ARPP21: variants seen among roughly 807,000 people sequenced by gnomAD.
The protein encoded by ARPP21 is cAMP regulated phosphoprotein 21.
In ARPP21, 69 loss-of-function variants were observed where a neutral mutation model predicts 113.2. The ratio of observed to expected loss-of-function variants is 0.61; its 90% CI spans 0.50 to 0.74. The LOEUF is 0.74. Ranked by LOEUF, ARPP21 falls within the 30% of genes least tolerant of loss-of-function variation. ARPP21 has a pLI of 0.00. For missense variants in ARPP21, 1,070 were observed against 1,037.4 expected, an observed-to-expected ratio of 1.03 and a Z score of -0.43; for synonymous variants, 368 against 375.5, an observed-to-expected ratio of 0.98 and a Z score of 0.23.
chr3:35,655,131 C>G (rs574104724), intron 1 of ARPP21, among the ~76,000 whole-genome samples: 1 of 151,814 alleles, frequency 6.6e-6, no homozygotes, highest in Non-Finnish European at 1.5e-5. Context: ...AGGTTTACTC[C>G]GGTAAGTTTT....
intron 1 of ARPP21, among the ~76,000 whole-genome samples, chr3:35,667,839 TC>T (rs2074801676): frequency 2.1e-5 from 1 of 48,374 alleles, no homozygotes; most frequent in Non-Finnish European, 4.6e-5. Context: ...ACTTTTATTC[TC>T]AAAGAAGAAG....
At chr3:35,791,594 T>A (rs965591621) in intron 19 of ARPP21, among the ~76,000 whole-genome samples, 1 of 152,016 alleles carries the variant, frequency 6.6e-6, no homozygotes, top group Non-Finnish European at 1.5e-5. Flanking sequence ...CTAGAATAAA[T>A]CAATTCTGGC....
chr3:35,658,039 T>C (rs1319340815), intron 1 of ARPP21, among the ~76,000 whole-genome samples: 1 of 152,144 alleles, frequency 6.6e-6, no homozygotes, highest in Non-Finnish European at 1.5e-5. Context: ...CATTTCTGGA[T>C]AGTGATAACT....
At chr3:35,665,301 A>G (rs998194606) in intron 1 of ARPP21, among the ~76,000 whole-genome samples, 3 of 152,066 alleles carry the variant, frequency 2.0e-5, no homozygotes, top group Non-Finnish European at 4.4e-5. Context: ...TTTTTTTAAT[A>G]TGATAACAAG....
intron 9 of ARPP21, among the ~76,000 whole-genome samples, chr3:35,694,617 A>C (rs546081677): frequency 9.2e-5 from 14 of 151,494 alleles, no homozygotes; most frequent in Non-Finnish European, 1.3e-4. Flanking sequence ...CTAATATCAA[A>C]AAGATTTTTT....
chr3:35,646,136 G>T (rs1303117755), intron 1 of ARPP21, among the ~76,000 whole-genome samples: 3 of 151,976 alleles, frequency 2.0e-5, no homozygotes, highest in African/African-American at 7.2e-5. Flanking sequence ...GGTCAATAGA[G>T]GGTGAAGGAA....
chr3:35,692,790 A>C (rs1235486262), intron 9 of ARPP21, among the ~76,000 whole-genome samples: 1 of 151,576 alleles, frequency 6.6e-6, no homozygotes, highest in Non-Finnish European at 1.5e-5. Flanking sequence ...ACATTTATTA[A>C]ATTTATATAA....
At position 35,789,714 on chromosome 3, in the gene ARPP21, G is replaced by A. The variant is rs182762490; in HGVS notation, c.2138-2668G>A. On this transcript the variant is annotated intron_variant, in intron 19 of 20. Transcript: ENST00000684406. ...CTGCATCTGGGCTGGCAGCAAAGAC[G>A]AATTCTGCTCTCACAGGCTCTGCAC... is the stretch of plus-strand genomic sequence containing the variant. Among the ~76,000 whole-genome samples the A allele has an allele frequency of 2.5e-3, 376 of 152,290 alleles. 3 individuals carry two copies. Among genetic ancestry groups the A allele is most frequent in the Middle Eastern group, 6.8e-3 (2 of 294 alleles).
intron 15 of ARPP21, among the ~76,000 whole-genome samples, chr3:35,733,149 C>A (rs887317228): frequency 6.6e-6 from 1 of 151,466 alleles, no homozygotes; most frequent in African/African-American, 2.4e-5. Context: ...TGTGAATTGC[C>A]CTTTGGTTCA....
intron 1 of ARPP21, among the ~76,000 whole-genome samples, chr3:35,645,233 C>T (rs549982072): frequency 5.9e-5 from 9 of 151,908 alleles, no homozygotes; most frequent in Admixed American, 3.9e-4. Context: ...TTTCACACTA[C>T]TTCAAGATGA....
chr3:35,730,447 A>C (rs1032237747), intron 15 of ARPP21, among the ~76,000 whole-genome samples: 1 of 152,324 alleles, frequency 6.6e-6, no homozygotes, highest in Non-Finnish European at 1.5e-5. Flanking sequence ...ATGCTGCTAA[A>C]CATCCCCCAA....
chr3:35,683,070 G>T (rs58305869), intron 4 of ARPP21, among the ~76,000 whole-genome samples, 181 bp downstream of exon 4: 8 of 151,530 alleles, frequency 5.3e-5, no homozygotes, highest in African/African-American at 1.9e-4. Flanking sequence ...TTACTTTATG[G>T]CACTGCATAT....
chr3:35,648,892 A>G (rs1023758660), intron 1 of ARPP21, among the ~76,000 whole-genome samples: 1 of 152,214 alleles, frequency 6.6e-6, no homozygotes, highest in East Asian at 1.9e-4. Flanking sequence ...ATAAATTTAT[A>G]TTTCTTTGCT....
In ARPP21 at chr3:35,697,865, T is replaced by A. The variant is rs115133198; in HGVS notation, c.686+6860T>A. Among the ~76,000 whole-genome samples, 260 of 151,798 alleles carry A rather than the reference T, an allele frequency of 1.7e-3. 2 individuals carry two copies. The highest frequency in any genetic ancestry group is 5.9e-3 in the African/African-American group (245 of 41,502). ...ATATTTATCTTCCTTTGGCTAGGAATGTGCGTGGCTCTGTGAATAAACTGA... is the reference window on the plus strand; with the variant it reads ...ATATTTATCTTCCTTTGGCTAGGAAAGTGCGTGGCTCTGTGAATAAACTGA... On this transcript the variant is annotated intron_variant, in intron 9 of 20. Coordinates refer to ENST00000684406, the MANE Select transcript of ARPP21 (RefSeq NM_001385562.1).
chr3:35,790,455 G>A (rs1380667755), intron 19 of ARPP21, among the ~76,000 whole-genome samples: 2 of 152,176 alleles, frequency 1.3e-5, no homozygotes, highest in East Asian at 1.9e-4. Flanking sequence ...GCAATTGGAT[G>A]TATGAATCAC....
intron 19 of ARPP21, among the ~76,000 whole-genome samples, chr3:35,759,609 G>T (rs1159799982): frequency 1.3e-5 from 2 of 151,494 alleles, no homozygotes; most frequent in Admixed American, 1.3e-4. Flanking sequence ...AAAAACAAAA[G>T]AATTAGTATC....
intron 4 of ARPP21, 66 bp downstream of exon 4, chr3:35,682,955 G>A: frequency 1.4e-6 from 2 of 1,429,008 alleles, no homozygotes. Context: ...TTACATCAGA[G>A]TTAAAGGATT....
At chr3:35,742,239 A>G (rs917838769) in intron 18 of ARPP21, among the ~76,000 whole-genome samples, 1 of 152,300 alleles carries the variant, frequency 6.6e-6, no homozygotes, top group East Asian at 1.9e-4. Context: ...ACAAAACGCT[A>G]TTTCCTAAAA....
At chr3:35,684,611 G>A in intron 5 of ARPP21, 1 of 985,330 alleles carries the variant, frequency 1.0e-6, no homozygotes, top group Non-Finnish European at 1.2e-6. Context: ...AAAGTAAAAT[G>A]GTTTACCTGA....
Sources: allele counts gnomAD v4.1 joint callset (sites outside exome capture counted in the v4.1 genomes callset), GRCh38; gene constraint gnomAD v4.1.1; transcripts MANE v1.5; gene names NCBI Gene and HGNC (gene_info 2026-07-23, HGNC 2026-07-21).